Variants in OSBPL8 observed in about 807,000 individuals in gnomAD.
OSBPL8 encodes oxysterol binding protein like 8.
In OSBPL8, 59 loss-of-function variants were observed where a neutral mutation model predicts 125.5. That is an observed-to-expected ratio of 0.47 (90% confidence interval 0.38 to 0.58). OSBPL8 has a LOEUF of 0.58. OSBPL8 is among the 20% of genes least tolerant of loss of function. OSBPL8 has a pLI of 0.00. For missense variants in OSBPL8, 758 were observed against 1,047.8 expected, an observed-to-expected ratio of 0.72 and a Z score of 3.82; for synonymous variants, 330 against 338.9, an observed-to-expected ratio of 0.97 and a Z score of 0.29.
rs139807949 is a variant in OSBPL8 at position 76,432,624 on chromosome 12, T to C, written c.217+18227A>G. On this transcript the variant is annotated intron_variant, in intron 4 of 23. Transcript: ENST00000261183. ...AGAAAACTCAAATAACCTACCATTA[T>C]ACTTCAAGTAACTAGAAAAAGAACA... Among the ~76,000 whole-genome samples the C allele has an allele frequency of 2.7e-3, 407 of 152,120 alleles. 2 individuals are homozygous for C. The highest frequency in any genetic ancestry group is 6.4e-3 in the Admixed American group (98 of 15,264).
chr12:76,527,092 C>T (rs534187000), intron 1 of OSBPL8, among the ~76,000 whole-genome samples: 2 of 152,174 alleles, frequency 1.3e-5, no homozygotes, highest in East Asian at 1.9e-4. Context: ...TAATATTCTA[C>T]AATCTAACAG....
intron 4 of OSBPL8, among the ~76,000 whole-genome samples, chr12:76,414,448 T>TG (rs1300071977): frequency 7.1e-6 from 1 of 139,876 alleles, no homozygotes; most frequent in Admixed American, 7.4e-5. Context: ...TTTATTTTTC[T>TG]GGTTTTTTTT....
rs1297099494 is a variant in OSBPL8, at chr12:76,392,681, C to T, written c.829G>A (p.Glu277Lys). The change falls in exon 10 of 24, where the codon GAA (glutamate) becomes AAA (lysine). Residue 277 changes from glutamate to lysine, a missense_variant. Transcript: ENST00000261183. ...ACGCTCAGGTCATGTTCCTTTCCTT[C>T]TCTGATCATTGTACGTTTAAGAAGA... ...SSLLKRTMIR[E>K]GKEHDLSVSS... 1 of 1,613,946 alleles carries T rather than the reference C, an allele frequency of 6.2e-7. No individual in the cohort carries two copies. Among genetic ancestry groups the T allele is most frequent in the African/African-American group, 1.3e-5 (1 of 74,932 alleles).
At chr12:76,378,350 GT>G in intron 16 of OSBPL8, 101 bp downstream of exon 16, 1 of 779,132 alleles carries the variant, frequency 1.3e-6, no homozygotes, top group Non-Finnish European at 2.0e-6. Context: ...CAAACAAAAT[GT>G]AAGTCTGACT....
intron 4 of OSBPL8, among the ~76,000 whole-genome samples, chr12:76,417,629 GTAC>G (rs1484694841): frequency 2.0e-5 from 3 of 152,038 alleles, no homozygotes; most frequent in East Asian, 3.9e-4. Flanking sequence ...TATGTCCAAT[GTAC>G]TACTAGTATG....
At chr12:76,358,491 G>T (rs1592509968) in intron 22 of OSBPL8, among the ~76,000 whole-genome samples, 1 of 151,886 alleles carries the variant, frequency 6.6e-6, no homozygotes, top group Non-Finnish European at 1.5e-5. Flanking sequence ...CTAGAGTGTG[G>T]TTTTTATTTA....
intron 2 of OSBPL8, chr12:76,486,250 G>A: frequency 4.0e-6 from 1 of 248,960 alleles, no homozygotes; most frequent in Non-Finnish European, 8.2e-6. Flanking sequence ...TCATTAGACT[G>A]TTCCTACACT....
Position 76,391,023 on chromosome 12 carries a change from TCTCA to T in OSBPL8, c.930-370_930-367del, listed in dbSNP as rs200880152. Among the ~76,000 whole-genome samples the T allele has an allele frequency of 6.2e-4, 94 of 152,232 alleles. 1 individual carries two copies. In the East Asian group the frequency reaches 0.017, roughly 27 times the overall value. Reference sequence around the variant, plus strand: ...TTTCAAACAGCATCACTTGCATCAATCTCACTGTCACTTATGGTATGAAGAAAAA... The same window carrying T: ...TTTCAAACAGCATCACTTGCATCAATCTGTCACTTATGGTATGAAGAAAAA... On this transcript the variant is annotated intron_variant, in intron 10 of 23. Transcript: ENST00000261183.
At chr12:76,531,171 A>C (rs1419457656) in intron 1 of OSBPL8, among the ~76,000 whole-genome samples, 1 of 152,222 alleles carries the variant, frequency 6.6e-6, no homozygotes, top group South Asian at 2.1e-4. Context: ...AGGACAGAGA[A>C]GAGTGAGCAA....
intron 2 of OSBPL8, among the ~76,000 whole-genome samples, chr12:76,460,442 G>A (rs1450220778): frequency 2.7e-5 from 4 of 147,552 alleles, no homozygotes; most frequent in African/African-American, 1.0e-4. Context: ...AGCATTGTGT[G>A]AAGAGCATCT....
chr12:76,498,509 T>C (rs1177355739), intron 1 of OSBPL8, among the ~76,000 whole-genome samples: 3 of 152,202 alleles, frequency 2.0e-5, no homozygotes, highest in African/African-American at 4.8e-5. Context: ...CCTGTCCAGG[T>C]TGTGTAAGTA....
chr12:76,468,261 C>G (rs888452547), intron 2 of OSBPL8, among the ~76,000 whole-genome samples: 1 of 152,024 alleles, frequency 6.6e-6, no homozygotes, highest in East Asian at 1.9e-4. Context: ...AAAAATAAAC[C>G]CCAAACACTG....
intron 1 of OSBPL8, among the ~76,000 whole-genome samples, chr12:76,524,984 A>G (rs994433824): frequency 6.6e-6 from 1 of 152,138 alleles, no homozygotes; most frequent in African/African-American, 2.4e-5. Flanking sequence ...GCGCCCAGCC[A>G]TAATTACAAT....
intron 2 of OSBPL8, among the ~76,000 whole-genome samples, chr12:76,482,310 T>C (rs1323825602): frequency 2.6e-5 from 4 of 152,174 alleles, no homozygotes; most frequent in Admixed American, 6.5e-5. Flanking sequence ...GAAATAATAC[T>C]TCGGAAATAC....
Position 76,460,038 on chromosome 12 carries a change from T to C in OSBPL8, c.43-143A>G, listed in dbSNP as rs1402806833. The C allele has an allele frequency of 1.0e-5, 7 of 699,848 alleles. No individual in the cohort carries two copies. The Middle Eastern group carries it at 7.2e-4, about 72-fold the overall frequency. The allele number at this position is 699,848 out of a possible 1,614,324, so 43.4% of individuals were successfully genotyped here. A position where few individuals can be genotyped will look rare whatever the true frequency, so the allele number is the denominator to read the frequency against. On this transcript the variant is annotated intron_variant, in intron 2 of 23. Coordinates refer to ENST00000261183, the MANE Select transcript of OSBPL8 (RefSeq NM_020841.5). ...TAAGTAGAAAGCACATGCACATCAA[T>C]AGTAATAACCGTAATAATTTACAAG...
At position 76,396,365 on chromosome 12, in the gene OSBPL8, G is replaced by T. The variant is rs183784187; in HGVS notation, c.672+1329C>A. Among the ~76,000 whole-genome samples the T allele has an allele frequency of 3.3e-5, 5 of 152,238 alleles. No homozygotes were observed. The South Asian group carries it at 8.3e-4, about 25-fold the overall frequency. ...AGGATTAAGCTACTTTTAGTTAACC[G>T]TAATCTCAATTAGTTGGTTTTCCCT... On this transcript the variant is annotated intron_variant, in intron 8 of 23. Transcript: ENST00000261183.
intron 5 of OSBPL8, among the ~76,000 whole-genome samples, chr12:76,406,313 A>G (rs1295676640): frequency 1.3e-5 from 2 of 152,230 alleles, no homozygotes; most frequent in Admixed American, 6.5e-5. Flanking sequence ...AAGGTTTGTT[A>G]ACTATCCAGG....
chr12:76,513,851 G>A (rs1881262318), intron 1 of OSBPL8, among the ~76,000 whole-genome samples: 1 of 149,162 alleles, frequency 6.7e-6, no homozygotes, highest in African/African-American at 2.5e-5. Context: ...GTCTTTTGAA[G>A]ACAGCATAGC....
chr12:76,448,531 T>C (rs1872987395), intron 4 of OSBPL8, among the ~76,000 whole-genome samples: 1 of 152,206 alleles, frequency 6.6e-6, no homozygotes, highest in Non-Finnish European at 1.5e-5. Context: ...GTGTATCATA[T>C]ATCGTTTTTC....
Sources: gnomAD v4.1 joint callset for allele counts (sites outside exome capture counted in the v4.1 genomes callset) on GRCh38, gnomAD v4.1.1 for gene constraint, MANE v1.5 for transcripts, NCBI Gene and HGNC (gene_info 2026-07-23, HGNC 2026-07-21) for gene names.